CTNNA2: variants seen among roughly 807,000 people sequenced by gnomAD.
CTNNA2 encodes catenin alpha-2.
A neutral mutation model predicts 101.0 loss-of-function variants in CTNNA2; 42 were observed. The ratio of observed to expected loss-of-function variants is 0.42; its 90% CI spans 0.32 to 0.54. The LOEUF (loss-of-function observed/expected upper bound fraction) is 0.54. CTNNA2 is among the 20% of genes least tolerant of loss of function. The pLI is 0.14. For synonymous variants in CTNNA2, 450 were observed against 456.4 expected (o/e 0.99, Z 0.18); for missense variants, 871 against 1,223.1 (o/e 0.71, Z 4.29).
intron 9 of CTNNA2, among the ~76,000 whole-genome samples, chr2:80,513,088 C>T (rs13422608): frequency 6.6e-6 from 1 of 152,290 alleles, no homozygotes; most frequent in South Asian, 2.1e-4. Flanking sequence ...TCTTGGTGTG[C>T]TAAAGACACA....
At chr2:80,464,688 G>A (rs1046853877) in intron 9 of CTNNA2, among the ~76,000 whole-genome samples, 2 of 152,100 alleles carry the variant, frequency 1.3e-5, no homozygotes, top group African/African-American at 4.8e-5. Flanking sequence ...CATGCACAAT[G>A]TTCCTATATC....
At chr2:79,430,916 A>G (rs538932973) in intron 4 of CTNNA2, among the ~76,000 whole-genome samples, 3 of 152,340 alleles carry the variant, frequency 2.0e-5, no homozygotes, top group South Asian at 4.1e-4. Context: ...ATATTAAAAT[A>G]GTAAATTAAA....
chr2:79,603,270 C>G (rs1015457712), intron 1 of CTNNA2, among the ~76,000 whole-genome samples: 1 of 151,976 alleles, frequency 6.6e-6, no homozygotes, highest in African/African-American at 2.4e-5. Context: ...ATTAGAGACC[C>G]AATTTAAAAA....
intron 7 of CTNNA2, among the ~76,000 whole-genome samples, chr2:80,263,203 CGGCAGA>C (rs1389730084): frequency 6.6e-6 from 1 of 151,942 alleles, no homozygotes; most frequent in Non-Finnish European, 1.5e-5. Context: ...GATGGATTGG[CGGCAGA>C]TTGGGTATGA....
chr2:79,907,205 G>A (rs1476274603), intron 6 of CTNNA2, among the ~76,000 whole-genome samples: 1 of 151,962 alleles, frequency 6.6e-6, no homozygotes, highest in African/African-American at 2.4e-5. Context: ...TGTTAATATG[G>A]TTTTCTATAA....
At chr2:80,484,708 A>C (rs1686410771) in intron 9 of CTNNA2, among the ~76,000 whole-genome samples, 1 of 152,186 alleles carries the variant, frequency 6.6e-6, no homozygotes, top group Non-Finnish European at 1.5e-5. Flanking sequence ...GTTTTTGTTA[A>C]ACAAAATAAT....
chr2:80,327,266 T>A (rs1265914392), intron 7 of CTNNA2, among the ~76,000 whole-genome samples: 1 of 152,230 alleles, frequency 6.6e-6, no homozygotes, highest in Non-Finnish European at 1.5e-5. Context: ...CCTACAGATT[T>A]GCAAACAGAT....
chr2:80,312,428 G>C (rs534339832), intron 7 of CTNNA2, among the ~76,000 whole-genome samples: 1 of 152,188 alleles, frequency 6.6e-6, no homozygotes, highest in East Asian at 1.9e-4. Context: ...GGTGACCAAG[G>C]GTGACTCAGG....
intron 9 of CTNNA2, among the ~76,000 whole-genome samples, chr2:80,434,485 C>CTTTTTTTTTTTTTT (rs1169944635): frequency 2.2e-5 from 2 of 89,962 alleles, no homozygotes; most frequent in African/African-American, 5.1e-5. Flanking sequence ...TTCTGTGTCT[C>CTTTTTTTTTTTTTT]TTTTTTTTTT....
intron 7 of CTNNA2, among the ~76,000 whole-genome samples, chr2:80,211,485 A>G (rs1435570064): frequency 6.6e-6 from 1 of 152,126 alleles, no homozygotes; most frequent in African/African-American, 2.4e-5. Flanking sequence ...TCCTTTCCCC[A>G]TTTCTTGTTT....
At position 79,783,694 on chromosome 2, in the gene CTNNA2, A is replaced by G. The variant is rs142153037; in HGVS notation, c.298+39112A>G. On this transcript the variant is annotated intron_variant, in intron 3 of 18. Transcript: ENST00000402739. ...CTCCCTTCACTGTCCTCCCTCTACT[A>G]TGTTTCTCCATGTCTTCCCTGCCAA... Among the ~76,000 whole-genome samples, 1,506 of 152,090 alleles carry G rather than the reference A, an allele frequency of 9.9e-3. 8 individuals are homozygous for G. Among genetic ancestry groups the G allele is most frequent in the Non-Finnish European group, 0.015 (1,039 of 67,984 alleles).
chr2:79,636,872 G>C (rs1199015265), intron 1 of CTNNA2: 5 of 151,934 alleles, frequency 3.3e-5, no homozygotes, highest in Admixed American at 3.3e-4. Flanking sequence ...AAAAATATTG[G>C]ATGCTGCATA....
chr2:80,208,382 T>C (rs1157606653), intron 7 of CTNNA2, among the ~76,000 whole-genome samples: 2 of 152,220 alleles, frequency 1.3e-5, no homozygotes, highest in African/African-American at 4.8e-5. Flanking sequence ...AAATAGTGGC[T>C]ACCAAAATGT....
At chr2:80,542,718 G>A (rs187548323) in intron 9 of CTNNA2, among the ~76,000 whole-genome samples, 14 of 152,132 alleles carry the variant, frequency 9.2e-5, no homozygotes, top group Non-Finnish European at 1.8e-4. Context: ...AGCAAGCAGG[G>A]ATGGTACGGG....
chr2:80,102,761 C>T (rs1700620971), intron 7 of CTNNA2, among the ~76,000 whole-genome samples: 1 of 152,156 alleles, frequency 6.6e-6, no homozygotes, highest in African/African-American at 2.4e-5. Flanking sequence ...ATCCGCCAGC[C>T]TCAGCCTCCC....
At chr2:80,634,242 C>A (rs1023389993) in intron 18 of CTNNA2, among the ~76,000 whole-genome samples, 3 of 151,968 alleles carry the variant, frequency 2.0e-5, no homozygotes, top group Non-Finnish European at 4.4e-5. Context: ...GAAAGAATGG[C>A]AAATTAAGGC....
At chr2:80,614,935 C>A (rs1698730863) in intron 17 of CTNNA2, among the ~76,000 whole-genome samples, 1 of 151,050 alleles carries the variant, frequency 6.6e-6, no homozygotes, top group African/African-American at 2.4e-5. Flanking sequence ...CAGCTCTAGT[C>A]AAGAAACAGA....
At chr2:80,396,480 A>G (rs887591597) in intron 8 of CTNNA2, among the ~76,000 whole-genome samples, 5 of 152,172 alleles carry the variant, frequency 3.3e-5, no homozygotes, top group Non-Finnish European at 7.4e-5. Flanking sequence ...TGTGGAAACA[A>G]TAGCTCTTGG....
intron 2 of CTNNA2, among the ~76,000 whole-genome samples, chr2:79,668,367 A>G (rs962732656): frequency 2.6e-5 from 4 of 151,458 alleles, no homozygotes; most frequent in South Asian, 2.1e-4. Context: ...GTGATTTAAG[A>G]TATTTAAATG....
Sources: allele counts gnomAD v4.1 joint callset (sites outside exome capture counted in the v4.1 genomes callset), GRCh38; gene constraint gnomAD v4.1.1; transcripts MANE v1.5; gene names NCBI Gene and HGNC (gene_info 2026-07-23, HGNC 2026-07-21).